REPS2: variants seen among roughly 807,000 people sequenced by gnomAD.
REPS2 encodes ralBP1-associated Eps domain-containing protein 2.
In REPS2, 23 loss-of-function variants were observed where a neutral mutation model predicts 53.6. The ratio of observed to expected loss-of-function variants is 0.43; its 90% CI spans 0.31 to 0.61. REPS2 has a LOEUF of 0.61. Among genes scored for constraint, REPS2 ranks in the 20% least tolerant of loss-of-function variants. The probability of loss-of-function intolerance (pLI) is 0.11; values close to 1 mark genes in which losing one functional copy is unlikely to be tolerated. For synonymous variants in REPS2, 238 were observed against 218.6 expected (o/e 1.09, Z -0.78); for missense variants, 446 against 534.9 (o/e 0.83, Z 1.64).
At chrX:17,013,624 CTGTGTGTGTGTGTGTGTG>C (rs10559340) in intron 2 of REPS2, among the ~76,000 whole-genome samples, 4 of 100,173 alleles carry the variant, frequency 4.0e-5, no homozygotes, top group African/African-American at 7.3e-5. Flanking sequence ...GTAGCTGGCT[CTGTGTGTGTGTGTGTGTG>C]TGTGTGTGTG....
intron 5 of REPS2, among the ~76,000 whole-genome samples, chrX:17,034,245 T>A (rs1313798448): frequency 3.6e-5 from 4 of 111,699 alleles, no homozygotes; most frequent in African/African-American, 1.3e-4. Context: ...TACATGCAAA[T>A]ATAGGTATTC....
intron 1 of REPS2, among the ~76,000 whole-genome samples, chrX:16,973,200 TC>T (rs1286915458): frequency 1.8e-5 from 2 of 112,136 alleles, no homozygotes; most frequent in African/African-American, 6.5e-5. Context: ...ATCAAGGAGT[TC>T]ATGATGTTGA....
In REPS2 at chrX:17,128,067, A is replaced by G. The variant is rs149189150; in HGVS notation, c.1579-5757A>G. On this transcript the variant is annotated intron_variant, in intron 14 of 17. Coordinates refer to ENST00000357277, the MANE Select transcript of REPS2 (RefSeq NM_004726.3). ...AGAGATAGAAACAGAGACAACAAGG[A>G]GGAGCATACTAGAGTGCTTTCAGTC... is the stretch of plus-strand genomic sequence containing the variant. 1.5e-3 allele frequency among the ~76,000 whole-genome samples: 170 copies of G among 111,879 alleles called. No homozygotes were observed. In the East Asian group the frequency reaches 0.028, roughly 19 times the overall value.
At chrX:16,997,351 G>A (rs1244814088) in intron 1 of REPS2, among the ~76,000 whole-genome samples, 2 of 112,321 alleles carry the variant, frequency 1.8e-5, no homozygotes, top group Non-Finnish European at 3.8e-5. Flanking sequence ...TCTTACTGCC[G>A]AGTCTACTGT....
rs2063568831 is a variant in REPS2 at position 17,151,480 on chromosome X, T to G, written c.*3999T>G. ...ATTAAGGCAGGCATTTGCCAATGTC[T>G]TCTTTTAAGCAGTAGTTGGAAACAT... On this transcript the variant is annotated 3_prime_UTR_variant, in exon 18 of 18. Coordinates refer to ENST00000357277, the MANE Select transcript of REPS2 (RefSeq NM_004726.3). 1 of 113,131 alleles carries G rather than the reference T, an allele frequency of 8.8e-6. No individual in the cohort carries two copies. The highest frequency in any genetic ancestry group is 9.3e-5 in the Admixed American group (1 of 10,718). 9.3% of individuals were successfully genotyped at this position (113,131 alleles called of 1,213,427 possible). A position where few individuals can be genotyped will look rare whatever the true frequency, so the allele number is the denominator to read the frequency against.
the REPS2 span, among the ~76,000 whole-genome samples, chrX:17,159,760 A>G: frequency 2.7e-5 from 3 of 111,469 alleles, no homozygotes; most frequent in African/African-American, 9.8e-5. Flanking sequence ...TGTGCTGAAC[A>G]TTGGGAAATA....
chrX:16,967,974 C>T (rs1569096115), intron 1 of REPS2, among the ~76,000 whole-genome samples: 1 of 110,545 alleles, frequency 9.0e-6, no homozygotes, highest in Non-Finnish European at 1.9e-5. Flanking sequence ...TTTTCCTAGG[C>T]AGAGGACTCT....
intron 13 of REPS2, among the ~76,000 whole-genome samples, chrX:17,078,165 GCAGCAAGGGCCTTTCCACTGACT>G (rs1338393856): frequency 2.5e-4 from 28 of 112,497 alleles, no homozygotes; most frequent in African/African-American, 8.1e-4. Context: ...TATTTTGGGA[GCAGCAAGGGCCTTTCCACTGACT>G]CATGCAGGCA....
chrX:16,965,651 C>G (rs1244389530), intron 1 of REPS2, among the ~76,000 whole-genome samples: 2 of 112,689 alleles, frequency 1.8e-5, no homozygotes, highest in Non-Finnish European at 3.8e-5. Context: ...AGACGCTCCT[C>G]ACTTCCCAGA....
At chrX:17,181,596 G>A in the REPS2 span, among the ~76,000 whole-genome samples, 1 of 112,126 alleles carries the variant, frequency 8.9e-6, no homozygotes, top group African/African-American at 3.2e-5. Context: ...CCTAGCTCAG[G>A]AACAGTGCAC....
At chrX:17,082,065 G>A (rs1232560286) in intron 13 of REPS2, among the ~76,000 whole-genome samples, 9 of 111,289 alleles carry the variant, frequency 8.1e-5, no homozygotes, top group Admixed American at 9.5e-5. Context: ...TTCTGTCCAC[G>A]GAGTCAGTAA....
chrX:17,086,698 A>G (rs1013564996), intron 13 of REPS2, among the ~76,000 whole-genome samples: 4 of 112,514 alleles, frequency 3.6e-5, no homozygotes, highest in Non-Finnish European at 7.5e-5. Context: ...TTATTTAAGC[A>G]TTTTCCTATT....
intron 1 of REPS2, among the ~76,000 whole-genome samples, chrX:16,951,559 A>ACACACACACACCCCC (rs879259718): frequency 8.0e-5 from 3 of 37,476 alleles, no homozygotes; most frequent in Non-Finnish European, 1.1e-4. Flanking sequence ...ACACACACAC[A>ACACACACACACCCCC]CCCCCGCTAC....
At chrX:17,075,276 A>C (rs999236158) in intron 12 of REPS2, among the ~76,000 whole-genome samples, 1 of 112,006 alleles carries the variant, frequency 8.9e-6, no homozygotes, top group Non-Finnish European at 1.9e-5. Context: ...GAATTGCAGA[A>C]ATCTGTTATG....
the REPS2 span, among the ~76,000 whole-genome samples, chrX:17,185,302 C>G: frequency 1.8e-5 from 2 of 111,329 alleles, no homozygotes; most frequent in Non-Finnish European, 3.8e-5. Context: ...TTCTTGAACT[C>G]TAAGCTAGGA....
At chrX:17,111,374 G>A (rs886600940) in intron 14 of REPS2, among the ~76,000 whole-genome samples, 4 of 111,880 alleles carry the variant, frequency 3.6e-5, no homozygotes, top group Non-Finnish European at 5.6e-5. Context: ...ATCAAAATAC[G>A]AATTTAATAT....
chrX:17,117,860 A>G (rs1345850619), intron 14 of REPS2, among the ~76,000 whole-genome samples: 1 of 109,261 alleles, frequency 9.2e-6, no homozygotes, highest in East Asian at 2.9e-4. Context: ...AATGACTTCC[A>G]CAATGGTTGA....
chrX:17,087,092 G>A (rs2062548098), intron 13 of REPS2, among the ~76,000 whole-genome samples: 1 of 112,350 alleles, frequency 8.9e-6, no homozygotes, highest in African/African-American at 3.2e-5. Flanking sequence ...TGACTTTTCA[G>A]TCAAATCCTA....
At chrX:17,164,472 C>T in the REPS2 span, among the ~76,000 whole-genome samples, 2 of 112,060 alleles carry the variant, frequency 1.8e-5, no homozygotes, top group South Asian at 7.3e-4. Flanking sequence ...AACTTTAAGA[C>T]AGAAATTGTT....
Sources: gnomAD v4.1 joint callset for allele counts (sites outside exome capture counted in the v4.1 genomes callset) on GRCh38, gnomAD v4.1.1 for gene constraint, MANE v1.5 for transcripts, NCBI Gene and HGNC (gene_info 2026-07-23, HGNC 2026-07-21) for gene names.